DLGAP1: variants seen among roughly 807,000 people sequenced by gnomAD.
DLGAP1 encodes the protein disks large-associated protein 1.
A neutral mutation model predicts 90.8 loss-of-function variants in DLGAP1; 11 were observed. That is an observed-to-expected ratio of 0.12 (90% CI 0.08 to 0.20). DLGAP1 has a LOEUF of 0.20. Among genes scored for constraint, DLGAP1 ranks in the 10% least tolerant of loss-of-function variants. The pLI is 1.00. For missense variants in DLGAP1, 1,050 were observed against 1,333.8 expected (o/e 0.79, Z 3.31); for synonymous variants, 558 against 540.7 (o/e 1.03, Z -0.44).
At chr18:3,812,954 G>A (rs371643807) in intron 5 of DLGAP1, among the ~76,000 whole-genome samples, 30 of 152,162 alleles carry the variant, frequency 2.0e-4, no homozygotes, top group East Asian at 9.6e-4. Context: ...TTAAAAATAC[G>A]AATTATCCGT....
At chr18:3,861,824 C>A (rs547902777) in intron 4 of DLGAP1, among the ~76,000 whole-genome samples, 1 of 152,352 alleles carries the variant, frequency 6.6e-6, no homozygotes, top group Admixed American at 6.5e-5. Context: ...GGGAATCCTG[C>A]CTCAATAAGC....
chr18:4,269,730 G>C (rs1454082473), intron 1 of DLGAP1, among the ~76,000 whole-genome samples: 1 of 151,624 alleles, frequency 6.6e-6, no homozygotes, highest in African/African-American at 2.4e-5. Flanking sequence ...TATAATTAAT[G>C]TTACAGCTAT....
chr18:3,580,524 C>T (rs1015699217), intron 8 of DLGAP1: 11 of 1,596,582 alleles, frequency 6.9e-6, no homozygotes, highest in Middle Eastern at 1.9e-4. Context: ...GAGGAGGCGG[C>T]GGCAGCGGAG....
At chr18:4,335,868 C>T (rs1488401299) in intron 1 of DLGAP1, among the ~76,000 whole-genome samples, 1 of 152,186 alleles carries the variant, frequency 6.6e-6, no homozygotes, top group Non-Finnish European at 1.5e-5. Flanking sequence ...ATTGAAAATT[C>T]TATCAGCAAT....
intron 4 of DLGAP1, among the ~76,000 whole-genome samples, chr18:3,858,729 C>A (rs1302078475): frequency 1.3e-5 from 2 of 151,988 alleles, no homozygotes; most frequent in Non-Finnish European, 2.9e-5. Context: ...GAATCTAGAT[C>A]TAATAAACTA....
intron 7 of DLGAP1, among the ~76,000 whole-genome samples, chr18:3,726,405 G>C (rs2062180218): frequency 6.6e-6 from 1 of 151,950 alleles, no homozygotes; most frequent in Non-Finnish European, 1.5e-5. Flanking sequence ...TGACAGTATT[G>C]AGATCATGTG....
intron 10 of DLGAP1, among the ~76,000 whole-genome samples, chr18:3,528,831 T>C (rs1036869199): frequency 7.2e-5 from 11 of 152,172 alleles, no homozygotes. Context: ...CCCAGTAGTT[T>C]GAAGCTCCTA....
intron 4 of DLGAP1, among the ~76,000 whole-genome samples, chr18:3,875,229 G>C (rs2070967405): frequency 6.6e-6 from 1 of 152,090 alleles, no homozygotes; most frequent in Non-Finnish European, 1.5e-5. Flanking sequence ...AATAAATCAA[G>C]TAATAAAATA....
intron 1 of DLGAP1, among the ~76,000 whole-genome samples, chr18:4,347,645 A>T (rs1359508910): frequency 3.3e-5 from 5 of 152,072 alleles, no homozygotes; most frequent in Non-Finnish European, 7.4e-5. Context: ...TATTCAAGAA[A>T]TTGAATGTGA....
chr18:3,927,457 G>T (rs1351867463), intron 3 of DLGAP1, among the ~76,000 whole-genome samples: 1 of 152,202 alleles, frequency 6.6e-6, no homozygotes, highest in Non-Finnish European at 1.5e-5. Context: ...ATATATTCCT[G>T]TTAAATATAA....
intron 7 of DLGAP1, among the ~76,000 whole-genome samples, chr18:3,592,843 C>CAAAA (rs56871583): frequency 2.3e-5 from 1 of 42,580 alleles, no homozygotes; most frequent in Non-Finnish European, 4.9e-5. Flanking sequence ...GACCCTGCCT[C>CAAAA]AAAAAAAAAA....
intron 8 of DLGAP1, among the ~76,000 whole-genome samples, chr18:3,578,290 C>T (rs2145322368): frequency 6.6e-6 from 1 of 151,894 alleles, no homozygotes; most frequent in East Asian, 1.9e-4. Context: ...TCTAGTGTGA[C>T]ATATTTTGGG....
At chr18:3,819,564 T>C (rs2067291501) in intron 4 of DLGAP1, among the ~76,000 whole-genome samples, 1 of 152,192 alleles carries the variant, frequency 6.6e-6, no homozygotes, top group Admixed American at 6.5e-5. Flanking sequence ...ACATTTATCA[T>C]GTCATGAGTT....
intron 7 of DLGAP1, among the ~76,000 whole-genome samples, chr18:3,657,586 T>C (rs1375859658): frequency 6.6e-6 from 1 of 151,790 alleles, no homozygotes; most frequent in Non-Finnish European, 1.5e-5. Context: ...ATATAGTGAA[T>C]TGGTTCCCAT....
intron 9 of DLGAP1, among the ~76,000 whole-genome samples, chr18:3,549,278 T>C (rs2053237558): frequency 6.6e-6 from 1 of 152,028 alleles, no homozygotes; most frequent in African/African-American, 2.4e-5. Flanking sequence ...TTAGGAATGC[T>C]GAAGATTTAG....
At chr18:4,421,931 T>A (rs1598396123) in intron 1 of DLGAP1, among the ~76,000 whole-genome samples, 1 of 152,072 alleles carries the variant, frequency 6.6e-6, no homozygotes, top group African/African-American at 2.4e-5. Flanking sequence ...CCAGGCTGGT[T>A]TCGAACTCCT....
In DLGAP1 at chr18:4,342,473, T is replaced by C. The variant is rs2081212198; in HGVS notation, c.-267+112533A>G. Among the ~76,000 whole-genome samples, 1 of 152,204 alleles carries C rather than the reference T, an allele frequency of 6.6e-6. No individual in the cohort carries two copies. The highest frequency in any genetic ancestry group is 1.5e-5 in the Non-Finnish European group (1 of 68,040). ...TCTGCTTTCTTTTAAATAAGAGCCA[T>C]TTCTAACTTTGATCAAATGGCCTAA... On this transcript the variant is annotated intron_variant, in intron 1 of 12. Transcript: ENST00000315677. The surrounding 1 kb of genome is among the most constrained non-coding windows in gnomAD (Gnocchi z 5.8).
intron 1 of DLGAP1, among the ~76,000 whole-genome samples, chr18:4,347,753 A>G (rs1216661038): frequency 1.3e-5 from 2 of 152,070 alleles, no homozygotes; most frequent in Admixed American, 6.5e-5. Context: ...GAACAAGGGG[A>G]AGATGCTAGT....
At chr18:3,656,636 G>C (rs539614655) in intron 7 of DLGAP1, among the ~76,000 whole-genome samples, 2 of 152,252 alleles carry the variant, frequency 1.3e-5, no homozygotes, top group African/African-American at 4.8e-5. Flanking sequence ...TTAGATTTCA[G>C]CTCCCTCAAG....
Sources: allele counts gnomAD v4.1 joint callset (sites outside exome capture counted in the v4.1 genomes callset), GRCh38; gene constraint gnomAD v4.1.1; non-coding constraint Gnocchi (gnomAD v3.1); transcripts MANE v1.5; gene names NCBI Gene and HGNC (gene_info 2026-07-23, HGNC 2026-07-21).